The following RALGAPA2 variants were observed in gnomAD, a reference collection of about 807,000 sequenced individuals.
The protein encoded by RALGAPA2 is Ral GTPase activating protein catalytic subunit alpha 2, also known as ral GTPase-activating protein subunit alpha-2.
RALGAPA2 carries 139 observed loss-of-function variants against 230.4 expected under a neutral mutation model. The observed-to-expected ratio is 0.60, with a 90% confidence interval of 0.53 to 0.69. The LOEUF is 0.69. RALGAPA2 is among the 30% of genes least tolerant of loss of function. The pLI, the probability that RALGAPA2 is intolerant of heterozygous loss-of-function variation, is 0.00. For missense variants in RALGAPA2, 2,163 were observed against 2,276.0 expected (o/e 0.95, Z 1.01); for synonymous variants, 847 against 837.8 (o/e 1.01, Z -0.19).
chr20:20,560,251 A>C (rs1184537636), intron 23 of RALGAPA2, among the ~76,000 whole-genome samples: 3 of 152,140 alleles, frequency 2.0e-5, no homozygotes, highest in Non-Finnish European at 4.4e-5. Context: ...GTTCAACTAG[A>C]CTCCAGCACA....
In RALGAPA2 at chr20:20,393,138, A is replaced by C; in HGVS notation, c.*151T>G. The C allele has an allele frequency of 1.5e-6, 2 of 1,361,004 alleles. No homozygotes were observed. Among genetic ancestry groups the C allele is most frequent in the Non-Finnish European group, 2.0e-6 (2 of 1,019,516 alleles). 84.3% of individuals were successfully genotyped at this position (1,361,004 alleles called of 1,614,324 possible). A position where few individuals can be genotyped will look rare whatever the true frequency, so the allele number is the denominator to read the frequency against. The stretch of plus-strand genomic sequence containing the variant: ...TGCTGAGGGCACTAGTACAGCAACG[A>C]AATTTCCTGGAGATTCTGGGTTTAG... On this transcript the variant is annotated 3_prime_UTR_variant, in exon 40 of 40. Coordinates refer to ENST00000202677, the MANE Select transcript of RALGAPA2 (RefSeq NM_020343.4).
intron 30 of RALGAPA2, among the ~76,000 whole-genome samples, chr20:20,521,900 T>C (rs2063054004): frequency 6.6e-6 from 1 of 152,268 alleles, no homozygotes; most frequent in Non-Finnish European, 1.5e-5. Flanking sequence ...TTTGCTGACA[T>C]GGCAAGAGGC....
intron 13 of RALGAPA2, 51 bp from the exon 14 acceptor site, chr20:20,611,477 CTTTAA>C (rs1485083360): frequency 1.9e-6 from 3 of 1,564,896 alleles, no homozygotes; most frequent in Non-Finnish European, 2.6e-6. Context: ...CTCCAAAGCA[CTTTAA>C]TTTATAGGTA....
At chr20:20,690,196 T>C (rs745747680) in intron 1 of RALGAPA2, among the ~76,000 whole-genome samples, 1 of 152,288 alleles carries the variant, frequency 6.6e-6, no homozygotes, top group East Asian at 1.9e-4. Flanking sequence ...ACATGTGATA[T>C]GGAATTACTC....
chr20:20,646,632 A>G (rs2067224829), intron 4 of RALGAPA2, among the ~76,000 whole-genome samples: 1 of 152,180 alleles, frequency 6.6e-6, no homozygotes, highest in African/African-American at 2.4e-5. Context: ...AAGTCTTACT[A>G]CTTTTGAAGA....
At chr20:20,498,823 A>G (rs2062289707) in intron 35 of RALGAPA2, among the ~76,000 whole-genome samples, 1 of 152,220 alleles carries the variant, frequency 6.6e-6, no homozygotes, top group South Asian at 2.1e-4. Context: ...GCCTTGTAAG[A>G]CATAAGTGCA....
At position 20,430,815 on chromosome 20, in the gene RALGAPA2, G is replaced by A. The variant is rs115910496; in HGVS notation, c.5496-18667C>T. Among the ~76,000 whole-genome samples, 766 of 152,266 alleles carry A rather than the reference G, an allele frequency of 5.0e-3. 3 individuals carry two copies. Among genetic ancestry groups the A allele is most frequent in the African/African-American group, 0.017 (713 of 41,546 alleles). ...CTGGTCTCAGTATATACTCTACGTA[G>A]ACCCCAAAGGTTAAGGACAGTACAT... is the stretch of plus-strand genomic sequence containing the variant. On this transcript the variant is annotated intron_variant, in intron 37 of 39. Transcript: ENST00000202677.
chr20:20,465,149 TCACACACACACACACACACACA>T (rs74180992), intron 37 of RALGAPA2, among the ~76,000 whole-genome samples: 7 of 109,236 alleles, frequency 6.4e-5, no homozygotes, highest in South Asian at 3.6e-4. Flanking sequence ...CCGCAGGCCT[TCACACACACACACACACACACA>T]CACACACACA....
At chr20:20,440,926 CTCTT>C (rs1240285956) in intron 37 of RALGAPA2, among the ~76,000 whole-genome samples, 2 of 152,230 alleles carry the variant, frequency 1.3e-5, no homozygotes, top group African/African-American at 4.8e-5. Context: ...AAATTAAATT[CTCTT>C]TATTGGGCTG....
chr20:20,518,703 T>C (rs1168178526), intron 31 of RALGAPA2, among the ~76,000 whole-genome samples: 3 of 152,200 alleles, frequency 2.0e-5, no homozygotes, highest in Admixed American at 2.0e-4. Flanking sequence ...AATGTATATT[T>C]TTAGGTTTTT....
chr20:20,407,756 T>A (rs2122731512), intron 38 of RALGAPA2, among the ~76,000 whole-genome samples: 1 of 146,076 alleles, frequency 6.8e-6, no homozygotes, highest in Non-Finnish European at 1.5e-5. Flanking sequence ...AGAAGTCTTT[T>A]TCATTAGGTA....
chr20:20,712,528 C>T lies in RALGAPA2; in HGVS notation c.-48G>A. ...CCGCCGGCGGGGCAGTAGGCGCCTG[C>T]GCCACGCGAATCAAAGCATAGGGTC... On this transcript the variant is annotated 5_prime_UTR_variant, in exon 1 of 40. Coordinates refer to ENST00000202677, the MANE Select transcript of RALGAPA2 (RefSeq NM_020343.4). The surrounding 1 kb of genome is among the most constrained non-coding windows in gnomAD (Gnocchi z 5.5). 3 of 1,517,630 alleles carry T rather than the reference C, an allele frequency of 2.0e-6. No individual in the cohort carries two copies. The highest frequency in any genetic ancestry group is 1.8e-4 in the Middle Eastern group (1 of 5,630). The allele number at this position is 1,517,630 out of a possible 1,614,324, so 94.0% of individuals were successfully genotyped here. A position where few individuals can be genotyped will look rare whatever the true frequency, so the allele number is the denominator to read the frequency against.
intron 26 of RALGAPA2, among the ~76,000 whole-genome samples, chr20:20,532,138 C>T (rs1414085960): frequency 6.6e-6 from 1 of 152,110 alleles, no homozygotes; most frequent in African/African-American, 2.4e-5. Flanking sequence ...GAATAAGAAA[C>T]ATAAATCTGA....
At chr20:20,670,980 C>T (rs1340744833) in intron 3 of RALGAPA2, among the ~76,000 whole-genome samples, 1 of 146,556 alleles carries the variant, frequency 6.8e-6, no homozygotes, top group Admixed American at 6.8e-5. Flanking sequence ...ATATGATAAA[C>T]AACTCCATGA....
intron 1 of RALGAPA2, among the ~76,000 whole-genome samples, chr20:20,698,547 G>A (rs534564703): frequency 6.6e-6 from 1 of 152,082 alleles, no homozygotes; most frequent in South Asian, 2.1e-4. Context: ...CCACCACCAC[G>A]CCTGACTTAT....
chr20:20,539,079 C>A (rs1292162907), intron 24 of RALGAPA2, among the ~76,000 whole-genome samples: 1 of 152,130 alleles, frequency 6.6e-6, no homozygotes, highest in Non-Finnish European at 1.5e-5. Context: ...TATAATTTAA[C>A]TGTTCTACTG....
intron 15 of RALGAPA2, 145 bp from the exon 16 acceptor site, chr20:20,601,991 G>A: frequency 1.5e-6 from 1 of 668,148 alleles, no homozygotes; most frequent in Non-Finnish European, 2.2e-6. Flanking sequence ...TCCTTACACT[G>A]CAATTTAGGA....
chr20:20,395,399 G>A (rs183335742), intron 39 of RALGAPA2, among the ~76,000 whole-genome samples: 390 of 152,364 alleles, frequency 2.6e-3, no homozygotes, highest in Non-Finnish European at 4.4e-3. Context: ...TGCTCCACTC[G>A]CACTGCCTCC....
intron 36 of RALGAPA2, among the ~76,000 whole-genome samples, chr20:20,474,627 T>C (rs1301123741): frequency 6.6e-6 from 1 of 152,118 alleles, no homozygotes; most frequent in Non-Finnish European, 1.5e-5. Flanking sequence ...TTGAGGATGG[T>C]TAATGAGGTG....
Sources: gnomAD v4.1 joint callset for allele counts (sites outside exome capture counted in the v4.1 genomes callset) on GRCh38, gnomAD v4.1.1 for gene constraint, Gnocchi (gnomAD v3.1) non-coding constraint, MANE v1.5 for transcripts, NCBI Gene and HGNC (gene_info 2026-07-23, HGNC 2026-07-21) for gene names.